The following LPCAT3 variants were observed in gnomAD, a reference collection of about 807,000 sequenced individuals.
LPCAT3 encodes lysophospholipid acyltransferase 5.
In LPCAT3, 21 loss-of-function variants were observed where a neutral mutation model predicts 63.4. The ratio of observed to expected loss-of-function variants is 0.33; its 90% CI spans 0.23 to 0.48. The LOEUF is 0.48. Among genes scored for constraint, LPCAT3 ranks in the 20% least tolerant of loss-of-function variants. The pLI is 0.99. For missense variants in LPCAT3, 451 were observed against 590.6 expected (o/e 0.76, Z 2.45); for synonymous variants, 242 against 227.5 (o/e 1.06, Z -0.58).
intron 3 of LPCAT3, among the ~76,000 whole-genome samples, 184 bp downstream of exon 3, chr12:6,982,492 A>G (rs1946480137): frequency 6.6e-6 from 1 of 152,160 alleles, no homozygotes; most frequent in African/African-American, 2.4e-5. Flanking sequence ...AAGAGTTACC[A>G]TTACAATCTG....
At chr12:6,982,399 G>C (rs927469002) in intron 3 of LPCAT3, among the ~76,000 whole-genome samples, 1 of 152,124 alleles carries the variant, frequency 6.6e-6, no homozygotes. Context: ...AAGTGACTCT[G>C]CTCCTGGATA....
At chr12:6,979,259 C>T (rs1006613906) in intron 7 of LPCAT3, 11 of 576,548 alleles carry the variant, frequency 1.9e-5, no homozygotes, top group Non-Finnish European at 3.4e-5. Flanking sequence ...TAAATGTGCA[C>T]CTGGCACAGC....
chr12:6,979,655 G>C, intron 6 of LPCAT3, 76 bp from the exon 7 acceptor site: 1 of 1,024,130 alleles, frequency 9.8e-7, no homozygotes, highest in Non-Finnish European at 1.5e-6. Flanking sequence ...TTCAGTTATG[G>C]AGAGGAGTGT....
At chr12:6,978,249 G>T in intron 9 of LPCAT3, 92 bp downstream of exon 9, 1 of 1,429,474 alleles carries the variant, frequency 7.0e-7, no homozygotes, top group South Asian at 1.4e-5. Flanking sequence ...TGGGAAAGAC[G>T]CATAGGGGTG....
At chr12:6,995,086 G>A (rs1361238908) in intron 1 of LPCAT3, among the ~76,000 whole-genome samples, 1 of 149,938 alleles carries the variant, frequency 6.7e-6, no homozygotes, top group Non-Finnish European at 1.5e-5. Context: ...GTATAACTAA[G>A]GCATAAATTT....
At chr12:7,001,537 G>C (rs782048607) in intron 1 of LPCAT3, 23 of 456,060 alleles carry the variant, frequency 5.0e-5, no homozygotes, top group Admixed American at 4.9e-4. Flanking sequence ...TTTTGGGAGG[G>C]GTTATTTGGC....
rs983815214 is a variant in LPCAT3, at chr12:6,986,351, T to C, written c.152-2812A>G. Among the ~76,000 whole-genome samples, 81 of 152,332 alleles carry C rather than the reference T, an allele frequency of 5.3e-4. 1 individual carries two copies. Among genetic ancestry groups the C allele is most frequent in the Admixed American group, 2.3e-3 (35 of 15,296 alleles). On this transcript the variant is annotated intron_variant, in intron 1 of 12. Transcript: ENST00000261407. ...ATATTTTTTCTTGCTTATGATTCTCTTAATAACATTTTCTTTTCTATAGTT... is the reference window on the plus strand; with the variant it reads ...ATATTTTTTCTTGCTTATGATTCTCCTAATAACATTTTCTTTTCTATAGTT...
chr12:6,977,928 C>A lies in LPCAT3; in HGVS notation c.1041-183G>T, dbSNP rs782380660. ...TTAGAGATGGAAAGCAGACCCAAGGCGGAGCTGGAGACCGTGTGCGCACGA... is the reference window on the plus strand; with the variant it reads ...TTAGAGATGGAAAGCAGACCCAAGGAGGAGCTGGAGACCGTGTGCGCACGA... On this transcript the variant is annotated intron_variant, in intron 9 of 12. Coordinates refer to ENST00000261407, the MANE Select transcript of LPCAT3 (RefSeq NM_005768.6). The surrounding 1 kb of genome is among the most constrained non-coding windows in gnomAD (Gnocchi z 4.5). 6.7e-5 allele frequency: 46 copies of A among 681,960 alleles called. 1 individual carries two copies. The East Asian group carries it at 1.2e-3, about 18-fold the overall frequency. 42.2% of individuals were successfully genotyped at this position (681,960 alleles called of 1,614,324 possible).
At chr12:6,983,642 A>AG (rs1946493977) in intron 1 of LPCAT3, 103 bp from the exon 2 acceptor site, 1 of 652,024 alleles carries the variant, frequency 1.5e-6, no homozygotes, top group Admixed American at 2.9e-5. Flanking sequence ...AGGGAGAGAG[A>AG]AAAAAAAAAC....
At position 6,987,882 on chromosome 12, in the gene LPCAT3, C is replaced by A; in HGVS notation, c.152-4343G>T. On this transcript the variant is annotated intron_variant, in intron 1 of 12. Coordinates refer to ENST00000261407, the MANE Select transcript of LPCAT3 (RefSeq NM_005768.6). This position sits in a 1 kb window ranked among gnomAD's most constrained non-coding sequence, Gnocchi z 4.1. ...CTGACTCTAACAAGGCCTACACTGT[C>A]CTGAGTTCTGAGTTCTTGTGTCCAC... 2.5e-6 allele frequency: 1 copy of A among 400,666 alleles called. No homozygotes were observed. The highest frequency in any genetic ancestry group is 4.4e-6 in the Non-Finnish European group (1 of 226,222). The allele number at this position is 400,666 out of a possible 1,614,324, so 24.8% of individuals were successfully genotyped here.
intron 1 of LPCAT3, among the ~76,000 whole-genome samples, chr12:6,985,755 G>A (rs1395021817): frequency 6.6e-6 from 1 of 151,222 alleles, no homozygotes; most frequent in Admixed American, 6.6e-5. Flanking sequence ...TCTTCCTGGT[G>A]CCAGGATCAA....
intron 1 of LPCAT3, among the ~76,000 whole-genome samples, chr12:6,990,106 A>G (rs1555155278): frequency 2.0e-5 from 3 of 150,884 alleles, no homozygotes; most frequent in Non-Finnish European, 4.4e-5. Context: ...GAGTCTGGGG[A>G]GACAGAAGCT....
chr12:7,006,564 C>G (rs1946726355), intron 1 of LPCAT3, among the ~76,000 whole-genome samples: 1 of 152,140 alleles, frequency 6.6e-6, no homozygotes, highest in Non-Finnish European at 1.5e-5. Flanking sequence ...TAGGAGTTCC[C>G]ATGTTTTGCT....
intron 1 of LPCAT3, among the ~76,000 whole-genome samples, chr12:7,007,907 ATCT>A (rs1325502614): frequency 1.3e-5 from 2 of 152,176 alleles, no homozygotes; most frequent in Non-Finnish European, 2.9e-5. Context: ...GGGTCTGATA[ATCT>A]TCTACCTACT....
At position 6,981,187 on chromosome 12, in the gene LPCAT3, G is replaced by A; in HGVS notation, c.499-5C>T. Reference sequence around the variant, plus strand: ...TTGCTCAGAGGACAAGGAATTCTATGCCAAGAAGAGAATGCATGGTTCAGG... The same window carrying A: ...TTGCTCAGAGGACAAGGAATTCTATACCAAGAAGAGAATGCATGGTTCAGG... On this transcript the variant is annotated splice_polypyrimidine_tract_variant and splice_region_variant and intron_variant, in intron 5 of 12. Transcript: ENST00000261407. 1 of 1,601,940 alleles carries A rather than the reference G, an allele frequency of 6.2e-7. No individual in the cohort carries two copies. Among genetic ancestry groups the A allele is most frequent in the Non-Finnish European group, 8.5e-7 (1 of 1,174,374 alleles).
rs1166618325 is a variant in LPCAT3, at chr12:7,018,176, C to A, written c.151+98G>T. ...TCACACCCGCACCCGGCACAGCCCT[C>A]CCGGGTGGCTCCGGGAAGAGAGGGA... is the stretch of plus-strand genomic sequence containing the variant. On this transcript the variant is annotated intron_variant, in intron 1 of 12. Coordinates refer to ENST00000261407, the MANE Select transcript of LPCAT3 (RefSeq NM_005768.6). This position sits in a 1 kb window ranked among gnomAD's most constrained non-coding sequence, Gnocchi z 4.9. 7.0e-7 allele frequency: 1 copy of A among 1,434,290 alleles called. No individual in the cohort carries two copies. The highest frequency in any genetic ancestry group is 9.6e-7 in the Non-Finnish European group (1 of 1,045,484). The allele number at this position is 1,434,290 out of a possible 1,614,324, so 88.8% of individuals were successfully genotyped here.
rs1946806654 is a variant in LPCAT3, at chr12:7,017,995, G to T, written c.151+279C>A. ...AATAAAGACAGGTCGTGGGAGCAAG[G>T]GTAGAGCCTGGCACAAGAGGGCGGG... On this transcript the variant is annotated intron_variant, in intron 1 of 12. Transcript: ENST00000261407. The surrounding 1 kb of genome is among the most constrained non-coding windows in gnomAD (Gnocchi z 4.1). 6.6e-6 allele frequency among the ~76,000 whole-genome samples: 1 copy of T among 152,208 alleles called. No homozygotes were observed. Among genetic ancestry groups the T allele is most frequent in the South Asian group, 2.1e-4 (1 of 4,834 alleles).
rs1300342302 is a variant in LPCAT3, at chr12:6,987,914, T to C, written c.152-4375A>G. The C allele has an allele frequency of 2.5e-6, 1 of 400,174 alleles. No individual in the cohort carries two copies. The highest frequency in any genetic ancestry group is 4.4e-6 in the Non-Finnish European group (1 of 225,922). 24.8% of individuals were successfully genotyped at this position (400,174 alleles called of 1,614,324 possible). A position where few individuals can be genotyped will look rare whatever the true frequency, so the allele number is the denominator to read the frequency against. On this transcript the variant is annotated intron_variant, in intron 1 of 12. Transcript: ENST00000261407. This position sits in a 1 kb window ranked among gnomAD's most constrained non-coding sequence, Gnocchi z 4.1. ...TCTGAGTTCTTGTGTCCACTTCTTA[T>C]AGCCTGTCTGTCCCTTTCCTTGCTA...
At chr12:7,016,356 A>T (rs1350373147) in intron 1 of LPCAT3, among the ~76,000 whole-genome samples, 1 of 151,122 alleles carries the variant, frequency 6.6e-6, no homozygotes, top group Non-Finnish European at 1.5e-5. Context: ...GGCTCACTAC[A>T]ACCTTCACCT....
Sources: gnomAD v4.1 joint callset for allele counts (sites outside exome capture counted in the v4.1 genomes callset) on GRCh38, gnomAD v4.1.1 for gene constraint, Gnocchi (gnomAD v3.1) non-coding constraint, MANE v1.5 for transcripts, NCBI Gene and HGNC (gene_info 2026-07-23, HGNC 2026-07-21) for gene names.